Variants in KIAA1328 observed in about 807,000 individuals in gnomAD.
KIAA1328 encodes KIAA1328, also known as protein hinderin.
KIAA1328 carries 52 observed loss-of-function variants against 68.1 expected under a neutral mutation model. The ratio of observed to expected loss-of-function variants is 0.76; its 90% CI spans 0.61 to 0.96. The LOEUF (loss-of-function observed/expected upper bound fraction) is 0.96, where lower values mean the gene tolerates loss of function less well. KIAA1328 is among the 40% of genes least tolerant of loss of function. The probability of loss-of-function intolerance (pLI) is 0.00; values close to 1 mark genes in which losing one functional copy is unlikely to be tolerated. For missense variants in KIAA1328, 641 were observed against 677.6 expected (o/e 0.95, Z 0.60); for synonymous variants, 232 against 239.4 (o/e 0.97, Z 0.28).
intron 9 of KIAA1328, among the ~76,000 whole-genome samples, chr18:37,207,471 A>ATGTATATGTTTT (rs2060236918): frequency 1.3e-5 from 2 of 152,208 alleles, no homozygotes; most frequent in South Asian, 4.1e-4. Flanking sequence ...TTCAAAAGTG[A>ATGTATATGTTTT]CCAAGGTCAT....
Position 37,130,551 on chromosome 18 carries a change from G to T in KIAA1328, c.1233-29649G>T, listed in dbSNP as rs2058498638. Among the ~76,000 whole-genome samples, 3 of 152,212 alleles carry T rather than the reference G, an allele frequency of 2.0e-5. No homozygotes were observed. The South Asian group carries it at 6.2e-4, about 32-fold the overall frequency. ...GAGAATGGCTTGAACCCAGGAGGCG[G>T]AGGTTGCAGTGAGCCAAGATTGCTC... is the stretch of plus-strand genomic sequence containing the variant. On this transcript the variant is annotated intron_variant, in intron 7 of 9. Transcript: ENST00000280020.
intron 6 of KIAA1328, among the ~76,000 whole-genome samples, chr18:36,997,487 C>T (rs983321242): frequency 6.6e-6 from 1 of 152,090 alleles, no homozygotes; most frequent in African/African-American, 2.4e-5. Flanking sequence ...GCCCCTTGAT[C>T]CTCCAAACCT....
chr18:37,004,506 A>C (rs1335837873), intron 6 of KIAA1328, among the ~76,000 whole-genome samples: 1 of 152,142 alleles, frequency 6.6e-6, no homozygotes, highest in Non-Finnish European at 1.5e-5. Flanking sequence ...ATATGAAAAA[A>C]TGTTCAACAT....
intron 6 of KIAA1328, among the ~76,000 whole-genome samples, chr18:37,066,319 G>A (rs1400763676): frequency 6.6e-6 from 1 of 152,098 alleles, no homozygotes; most frequent in Non-Finnish European, 1.5e-5. Flanking sequence ...AGTATTTTTT[G>A]TATTTAAATA....
chr18:37,174,260 C>G (rs2059554041), intron 9 of KIAA1328, among the ~76,000 whole-genome samples: 1 of 152,126 alleles, frequency 6.6e-6, no homozygotes. Flanking sequence ...GACTCCAAAC[C>G]TCGTAATCTT....
At chr18:37,094,151 T>G (rs2057339664) in intron 7 of KIAA1328, among the ~76,000 whole-genome samples, 1 of 152,086 alleles carries the variant, frequency 6.6e-6, no homozygotes. Context: ...CACAATAGGG[T>G]TTGCGTTCCT....
intron 5 of KIAA1328, among the ~76,000 whole-genome samples, chr18:36,898,293 G>GAT (rs1254761957): frequency 2.6e-5 from 4 of 152,002 alleles, no homozygotes; most frequent in African/African-American, 9.6e-5. Context: ...TTTTTGAAAA[G>GAT]ATAATATGCT....
chr18:37,121,444 A>G (rs1422541533), intron 7 of KIAA1328, among the ~76,000 whole-genome samples: 1 of 151,744 alleles, frequency 6.6e-6, no homozygotes, highest in Non-Finnish European at 1.5e-5. Context: ...CTATCTATCT[A>G]TCTATCTATC....
chr18:36,829,506 C>T (rs1016408071), intron 1 of KIAA1328: 1 of 1,128,548 alleles, frequency 8.9e-7, no homozygotes, highest in Admixed American at 4.8e-5. Context: ...TCCGAGGTCC[C>T]TCTGCCCACC....
At chr18:37,229,212 G>A (rs1359788863), downstream of KIAA1328, among the ~76,000 whole-genome samples, 1 of 152,116 alleles carries the variant, frequency 6.6e-6, no homozygotes, top group Admixed American at 6.5e-5. Flanking sequence ...GTGGAGGCCG[G>A]TGGGTGCCAG....
chr18:37,124,477 A>AT (rs1417596654), intron 7 of KIAA1328, among the ~76,000 whole-genome samples: 1 of 151,882 alleles, frequency 6.6e-6, no homozygotes, highest in Non-Finnish European at 1.5e-5. Flanking sequence ...CTGTTGACCA[A>AT]TTTTCCTGTT....
At chr18:37,079,266 T>G in intron 7 of KIAA1328, among the ~76,000 whole-genome samples, 1 of 104,754 alleles carries the variant, frequency 9.5e-6, no homozygotes, top group Non-Finnish European at 1.8e-5. Context: ...CACTCTTAGG[T>G]GGGAATTGAA....
At chr18:37,212,488 G>A (rs1181556197) in intron 9 of KIAA1328, among the ~76,000 whole-genome samples, 1 of 152,028 alleles carries the variant, frequency 6.6e-6, no homozygotes, top group Non-Finnish European at 1.5e-5. Flanking sequence ...TCAGAAAGAA[G>A]AAGGAAAAAG....
intron 5 of KIAA1328, among the ~76,000 whole-genome samples, chr18:36,929,729 G>A (rs1368837496): frequency 6.6e-6 from 1 of 152,010 alleles, no homozygotes; most frequent in African/African-American, 2.4e-5. Flanking sequence ...CTCTTTCTCT[G>A]ATGTGGAAAT....
intron 6 of KIAA1328, among the ~76,000 whole-genome samples, chr18:36,990,722 A>C (rs1056402973): frequency 2.6e-5 from 4 of 151,972 alleles, no homozygotes; most frequent in Non-Finnish European, 5.9e-5. Context: ...CTTCTATTAC[A>C]GAGAATACAG....
In KIAA1328 at chr18:36,959,303, C is replaced by T. The variant is rs754935368; in HGVS notation, c.449-5C>T. ...CAGTTTTTTTCCCTTAATTTGCAAT[C>T]TCACCTCTTCAGCTACAGTATAGAG... On this transcript the variant is annotated splice_polypyrimidine_tract_variant and splice_region_variant and intron_variant, in intron 5 of 9. Coordinates refer to ENST00000280020, the MANE Select transcript of KIAA1328 (RefSeq NM_020776.3). The T allele has an allele frequency of 1.1e-5, 18 of 1,568,118 alleles. No homozygotes were observed. The Admixed American group carries it at 2.7e-4, about 24-fold the overall frequency.
At chr18:36,855,920 T>G (rs912826788) in intron 4 of KIAA1328, among the ~76,000 whole-genome samples, 2 of 152,082 alleles carry the variant, frequency 1.3e-5, no homozygotes, top group Non-Finnish European at 2.9e-5. Context: ...GTCCCAGCTC[T>G]CCTTTCATTT....
At chr18:36,887,415 G>A (rs907955780) in intron 5 of KIAA1328, among the ~76,000 whole-genome samples, 1 of 151,988 alleles carries the variant, frequency 6.6e-6, no homozygotes, top group Admixed American at 6.6e-5. Context: ...TGGAGATTCA[G>A]TGGTTTAACA....
chr18:37,089,958 T>A (rs1339668459), intron 7 of KIAA1328, among the ~76,000 whole-genome samples: 1 of 152,250 alleles, frequency 6.6e-6, no homozygotes, highest in African/African-American at 2.4e-5. Flanking sequence ...TATCTTCCAA[T>A]GGTTTGGCTC....
Sources: allele counts gnomAD v4.1 joint callset (sites outside exome capture counted in the v4.1 genomes callset), GRCh38; gene constraint gnomAD v4.1.1; transcripts MANE v1.5; gene names NCBI Gene and HGNC (gene_info 2026-07-23, HGNC 2026-07-21).